Variants in DNAH17 observed in about 807,000 individuals in gnomAD.
DNAH17 encodes axonemal beta dynein heavy chain 17.
A neutral mutation model predicts 485.6 loss-of-function variants in DNAH17; 376 were observed. That is an observed-to-expected ratio of 0.77 (90% CI 0.71 to 0.84). The LOEUF (loss-of-function observed/expected upper bound fraction) is 0.84. Ranked by LOEUF, DNAH17 falls within the 40% of genes least tolerant of loss-of-function variation. The pLI, the probability that DNAH17 is intolerant of heterozygous loss-of-function variation, is 0.00. For synonymous variants in DNAH17, 3,031 were observed against 2,405.9 expected, an observed-to-expected ratio of 1.26 and a Z score of -7.60; for missense variants, 6,370 against 5,839.3, an observed-to-expected ratio of 1.09 and a Z score of -2.96.
intron 80 of DNAH17, chr17:78,425,107 CCAGGTGACTGGGGTGTT>C (rs1175486043): frequency 4.4e-6 from 2 of 456,740 alleles, no homozygotes; most frequent in Admixed American, 3.7e-5. Flanking sequence ...AAAGCAGAGG[CCAGGTGACTGGGGTGTT>C]TTTGGTCTCC....
At chr17:78,552,604 A>G (rs2091928332) in intron 15 of DNAH17, 93 bp downstream of exon 15, 2 of 817,640 alleles carry the variant, frequency 2.4e-6, no homozygotes, top group Non-Finnish European at 2.1e-6. Context: ...GCCAGGAGGC[A>G]GAAGTGACCA....
In DNAH17 at chr17:78,507,388, C is replaced by T. The variant is rs774011843; in HGVS notation, c.4585-19G>A. 6.8e-6 allele frequency: 11 copies of T among 1,613,814 alleles called. No individual in the cohort carries two copies. The highest frequency in any genetic ancestry group is 2.7e-5 in the African/African-American group (2 of 74,904). On this transcript the variant is annotated intron_variant, in intron 28 of 80. Coordinates refer to ENST00000389840, the MANE Select transcript of DNAH17 (RefSeq NM_173628.4). ...TCAAGGCCTGGGAAGAGAAGGGGAT[C>T]GCCAAGGCATTAGGGATCGCCACAC... is the stretch of plus-strand genomic sequence containing the variant.
At position 78,514,837 on chromosome 17, in the gene DNAH17, C is replaced by T; in HGVS notation, c.4050G>A (p.Val1350=). The stretch of plus-strand genomic sequence containing the variant: ...GAATGGCAGGGTTCTGCAGCTCGCT[C>T]ACGGCACGCAGGGACGTGATCACGT... ...VKNVITSLRA[V]SELQNPAIRE... The change falls in exon 26 of 81, where the codon GTG becomes GTA. Residue 1350 remains valine, a synonymous_variant. Transcript: ENST00000389840. The T allele has an allele frequency of 1.2e-6, 2 of 1,614,060 alleles. No individual in the cohort carries two copies. Among genetic ancestry groups the T allele is most frequent in the Non-Finnish European group, 1.7e-6 (2 of 1,179,892 alleles).
At chr17:78,472,727 C>T (rs563885439) in intron 54 of DNAH17, 22 of 455,082 alleles carry the variant, frequency 4.8e-5, no homozygotes, top group Non-Finnish European at 9.3e-5. Flanking sequence ...TCGGCAGGCA[C>T]AGCCCTCGCT....
Position 78,510,771 on chromosome 17 carries a change from T to A in DNAH17, c.4114-265A>T, listed in dbSNP as rs1028809051. The A allele has an allele frequency of 4.2e-5, 17 of 406,136 alleles. No individual in the cohort carries two copies. The South Asian group carries it at 4.6e-4, about 11-fold the overall frequency. The allele number at this position is 406,136 out of a possible 1,614,324, so 25.2% of individuals were successfully genotyped here. On this transcript the variant is annotated intron_variant, in intron 26 of 80. Coordinates refer to ENST00000389840, the MANE Select transcript of DNAH17 (RefSeq NM_173628.4). ...TTGCGGCCCCCCCGCAAAATTCACA[T>A]CCGCCCAGAACCTTCACGTGTCACC...
At chr17:78,488,913 G>A (rs1321477166) in intron 44 of DNAH17, among the ~76,000 whole-genome samples, 2 of 152,000 alleles carry the variant, frequency 1.3e-5, no homozygotes, top group Non-Finnish European at 2.9e-5. Flanking sequence ...TGGGAGAGAG[G>A]CCTGGGACAG....
At chr17:78,478,302 CACCACA>C (rs1183066772) in intron 51 of DNAH17, among the ~76,000 whole-genome samples, 1,493 of 145,010 alleles carry the variant, frequency 0.01, 30 homozygotes, top group African/African-American at 0.038. Flanking sequence ...CCACCACCAT[CACCACA>C]ATCACATCAC....
chr17:78,566,789 C>G lies in DNAH17; in HGVS notation c.1453-59G>C. On this transcript the variant is annotated intron_variant, in intron 10 of 80. Transcript: ENST00000389840. ...AGCGTGCAAAGCAAGCCAAGGGCAC[C>G]CTCTCCAGCCCCTGCCCTGCTGAGA... is the stretch of plus-strand genomic sequence containing the variant. 2.1e-6 allele frequency: 3 copies of G among 1,413,890 alleles called. No homozygotes were observed. The South Asian group carries it at 3.7e-5, about 17-fold the overall frequency. The allele number at this position is 1,413,890 out of a possible 1,614,324, so 87.6% of individuals were successfully genotyped here.
At chr17:78,541,852 G>A (rs981835789) in intron 17 of DNAH17, among the ~76,000 whole-genome samples, 1 of 152,108 alleles carries the variant, frequency 6.6e-6, no homozygotes, top group Non-Finnish European at 1.5e-5. Context: ...ACTCTTCCAA[G>A]TAACATTTTT....
chr17:78,439,721 G>A (rs1224313719), intron 72 of DNAH17, among the ~76,000 whole-genome samples: 1 of 143,206 alleles, frequency 7.0e-6, no homozygotes, highest in Non-Finnish European at 1.5e-5. Flanking sequence ...CCAGGCTGGA[G>A]TGCAGTGGTG....
chr17:78,457,109 G>A (rs1042725134), intron 62 of DNAH17, among the ~76,000 whole-genome samples: 10 of 152,226 alleles, frequency 6.6e-5, no homozygotes, highest in East Asian at 5.8e-4. Flanking sequence ...GGTGGCTCAC[G>A]CCTGTAATCC....
chr17:78,499,214 C>CAAAGCTA lies in DNAH17; in HGVS notation c.5641-103_5641-102insTAGCTTT, dbSNP rs1217735190. The CAAAGCTA allele has an allele frequency of 6.9e-6, 6 of 871,294 alleles. No individual in the cohort carries two copies. In the Admixed American group the frequency reaches 2.0e-4, roughly 29 times the overall value. 54.0% of individuals were successfully genotyped at this position (871,294 alleles called of 1,614,324 possible). A position where few individuals can be genotyped will look rare whatever the true frequency, so the allele number is the denominator to read the frequency against. On this transcript the variant is annotated intron_variant, in intron 36 of 80. Coordinates refer to ENST00000389840, the MANE Select transcript of DNAH17 (RefSeq NM_173628.4). ...CCTCTTCGGCTGTGTTTTCTCTTCC[C>CAAAGCTA]AAAGCTTGCTCAGGCCCCGGTGCAT... is the stretch of plus-strand genomic sequence containing the variant.
chr17:78,525,284 T>G, intron 24 of DNAH17, 123 bp from the exon 25 acceptor site: 1 of 1,386,202 alleles, frequency 7.2e-7, no homozygotes, highest in South Asian at 1.4e-5. Flanking sequence ...GGAGGAGGTG[T>G]CCATACAACG....
rs975224143 is a variant in DNAH17, at chr17:78,475,295, C to T, written c.8494G>A (p.Gly2832Arg). The T allele has an allele frequency of 1.5e-5, 24 of 1,613,854 alleles. No individual in the cohort carries two copies. The Admixed American group carries it at 2.2e-4, about 15-fold the overall frequency. Residue 2832 changes from glycine to arginine, a missense_variant, in exon 54 of 81, where the codon GGG (glycine) becomes AGG (arginine). Transcript: ENST00000389840. ...VFQITLKKGYGIPDLKIDLAA... is the reference protein window; with the variant it reads ...VFQITLKKGYRIPDLKIDLAA... ...GCTCTCACCTTGAGGTCGGGGATCC[C>T]GTAGCCCTTCTTGAGGGTGATCTGA...
At chr17:78,429,491 C>T (rs962377780) in intron 75 of DNAH17, among the ~76,000 whole-genome samples, 191 bp from the exon 76 acceptor site, 16 of 152,230 alleles carry the variant, frequency 1.1e-4, no homozygotes, top group Non-Finnish European at 1.9e-4. Flanking sequence ...CTTTCCATTC[C>T]GCGCCACCAG....
At chr17:78,556,071 A>C (rs2092015198) in intron 14 of DNAH17, among the ~76,000 whole-genome samples, 1 of 152,150 alleles carries the variant, frequency 6.6e-6, no homozygotes, top group Admixed American at 6.5e-5. Context: ...ATCTCCATAT[A>C]TACATGTCTA....
In DNAH17 at chr17:78,541,381, ATGGATGGATGGATGGATGGG is replaced by A. The variant is rs1384288804; in HGVS notation, c.2533-1521_2533-1502del. On this transcript the variant is annotated intron_variant, in intron 17 of 80. Transcript: ENST00000389840. ...ATGTGGTGGGTAGATGTGTAAGTGG[ATGGATGGATGGATGGATGGG>A]TGGATGGTTGGATGGATGGATGAAT... Among the ~76,000 whole-genome samples, 162 of 146,502 alleles carry A rather than the reference ATGGATGGATGGATGGATGGG, an allele frequency of 1.1e-3. 1 individual carries two copies. Among genetic ancestry groups the A allele is most frequent in the Non-Finnish European group, 1.9e-3 (128 of 66,424 alleles).
intron 1 of DNAH17, among the ~76,000 whole-genome samples, chr17:78,575,405 CA>C (rs1348349748): frequency 6.6e-6 from 1 of 152,176 alleles, no homozygotes; most frequent in Non-Finnish European, 1.5e-5. Flanking sequence ...GAAATGGCCG[CA>C]ACCAGACAGT....
chr17:78,481,162 G>A (rs1263594111), intron 48 of DNAH17, among the ~76,000 whole-genome samples: 10 of 150,280 alleles, frequency 6.7e-5, no homozygotes, highest in African/African-American at 2.5e-4. Flanking sequence ...GAGTGCAGTG[G>A]CATGATCTTG....
Sources: gnomAD v4.1 joint callset for allele counts (sites outside exome capture counted in the v4.1 genomes callset) on GRCh38, gnomAD v4.1.1 for gene constraint, MANE v1.5 for transcripts, NCBI Gene and HGNC (gene_info 2026-07-23, HGNC 2026-07-21) for gene names.